The following ANGPT1 variants were observed in gnomAD, a reference collection of about 807,000 sequenced individuals.
ANGPT1 encodes the protein angiopoietin-1.
In ANGPT1, 17 loss-of-function variants were observed where a neutral mutation model predicts 62.2. The ratio of observed to expected loss-of-function variants is 0.27; its 90% CI spans 0.19 to 0.41. The LOEUF is 0.41. ANGPT1 is among the 10% of genes least tolerant of loss of function. ANGPT1 has a pLI of 1.00. For missense variants in ANGPT1, 478 were observed against 594.9 expected (o/e 0.80, Z 2.04); for synonymous variants, 199 against 198.9 (o/e 1.00, Z 0.00).
rs144478184 is a variant in ANGPT1, at chr8:107,251,643, G to A, written c.*212C>T. On this transcript the variant is annotated 3_prime_UTR_variant, in exon 9 of 9. Coordinates refer to ENST00000517746, the MANE Select transcript of ANGPT1 (RefSeq NM_001146.5). ...AGTCAGTGGAGTTTTCTATAGTCGA[G>A]CCACGTGAGCACTGTCACCCCAAGT... 0.015 allele frequency: 8,120 copies of A among 536,266 alleles called. 84 individuals are homozygous for A. The highest frequency in any genetic ancestry group is 0.025 in the African/African-American group (1,325 of 52,898). The allele number at this position is 536,266 out of a possible 1,614,324, so 33.2% of individuals were successfully genotyped here. A position where few individuals can be genotyped will look rare whatever the true frequency, so the allele number is the denominator to read the frequency against.
intron 3 of ANGPT1, among the ~76,000 whole-genome samples, chr8:107,332,892 G>A (rs979191568): frequency 6.6e-6 from 1 of 152,196 alleles, no homozygotes; most frequent in Non-Finnish European, 1.5e-5. Flanking sequence ...ATAGCTTCTT[G>A]TTGCATTTGG....
chr8:107,494,795 GA>G (rs533200479), intron 1 of ANGPT1: 1 of 152,154 alleles, frequency 6.6e-6, no homozygotes, highest in Non-Finnish European at 1.5e-5. Context: ...GCTTCATTTA[GA>G]GTTGATAACA....
rs1457737605 is a variant in ANGPT1, at chr8:107,324,744, C to G, written c.576-2616G>C. Among the ~76,000 whole-genome samples the G allele has an allele frequency of 2.0e-5, 3 of 152,178 alleles. No homozygotes were observed. The East Asian group carries it at 5.8e-4, about 29-fold the overall frequency. ...AATACCTGAGGCTGCTAAGACTCTA[C>G]TAATTTATAATACCTTTAGTAGTGT... On this transcript the variant is annotated intron_variant, in intron 3 of 8. Transcript: ENST00000517746.
intron 1 of ANGPT1, among the ~76,000 whole-genome samples, chr8:107,431,088 G>T (rs1811173454): frequency 6.6e-6 from 1 of 152,144 alleles, no homozygotes; most frequent in African/African-American, 2.4e-5. Flanking sequence ...TGGTAAAATG[G>T]AGATAACAAT....
intron 1 of ANGPT1, among the ~76,000 whole-genome samples, chr8:107,453,595 C>T (rs1375318294): frequency 6.6e-6 from 1 of 152,022 alleles, no homozygotes; most frequent in Non-Finnish European, 1.5e-5. Flanking sequence ...GGATCCCTCC[C>T]ACAACACATG....
At chr8:107,252,511 A>G (rs992514217) in intron 8 of ANGPT1, among the ~76,000 whole-genome samples, 3 of 152,198 alleles carry the variant, frequency 2.0e-5, no homozygotes, top group African/African-American at 7.2e-5. Flanking sequence ...ATGTTTGTCA[A>G]TAATTGGCCC....
chr8:107,321,234 G>T (rs115051600), intron 4 of ANGPT1, among the ~76,000 whole-genome samples: 1 of 152,042 alleles, frequency 6.6e-6, no homozygotes, highest in African/African-American at 2.4e-5. Context: ...ATTCCCAAAG[G>T]TTCAATGACT....
chr8:107,451,776 C>T (rs1811784055), intron 1 of ANGPT1, among the ~76,000 whole-genome samples: 1 of 151,898 alleles, frequency 6.6e-6, no homozygotes, highest in African/African-American at 2.4e-5. Context: ...AGATGTTTCA[C>T]TGACCTGAGT....
In ANGPT1 at chr8:107,255,921, A is replaced by G. The variant is rs966035245; in HGVS notation, c.1337-3906T>C. On this transcript the variant is annotated intron_variant, in intron 8 of 8. Transcript: ENST00000517746. Reference sequence around the variant, plus strand: ...TAAAGACAAGGTCATCAGTGCCAACATATTTTCTTATTTGCTTAGTGGGGT... The same window carrying G: ...TAAAGACAAGGTCATCAGTGCCAACGTATTTTCTTATTTGCTTAGTGGGGT... Among the ~76,000 whole-genome samples, 11 of 152,226 alleles carry G rather than the reference A, an allele frequency of 7.2e-5. No homozygotes were observed. In the East Asian group the frequency reaches 7.7e-4, roughly 11 times the overall value.
At chr8:107,380,117 G>A (rs1816606037) in intron 1 of ANGPT1, among the ~76,000 whole-genome samples, 1 of 121,438 alleles carries the variant, frequency 8.2e-6, no homozygotes, top group African/African-American at 2.9e-5. Flanking sequence ...GTTTAAGGAA[G>A]AATAAAAATA....
chr8:107,319,186 A>C (rs937754640), intron 4 of ANGPT1, among the ~76,000 whole-genome samples: 6 of 152,158 alleles, frequency 3.9e-5, no homozygotes, highest in Non-Finnish European at 8.8e-5. Flanking sequence ...TTCTTTCCCT[A>C]TTGTGGTGAA....
At chr8:107,391,385 G>A (rs1184669477) in intron 1 of ANGPT1, among the ~76,000 whole-genome samples, 2 of 152,034 alleles carry the variant, frequency 1.3e-5, no homozygotes, top group African/African-American at 4.8e-5. Flanking sequence ...TCATGTGTTG[G>A]GCCAGGAGCA....
At chr8:107,270,268 G>GT (rs1813707517) in intron 7 of ANGPT1, among the ~76,000 whole-genome samples, 3 of 151,986 alleles carry the variant, frequency 2.0e-5, no homozygotes, top group African/African-American at 7.3e-5. Context: ...ATGACAAATT[G>GT]AAGTTTGGCC....
intron 6 of ANGPT1, among the ~76,000 whole-genome samples, chr8:107,286,282 AAG>A (rs1483935801): frequency 6.6e-6 from 1 of 152,214 alleles, no homozygotes; most frequent in African/African-American, 2.4e-5. Context: ...TTAGTGGGAA[AAG>A]AGAGTTTTAA....
intron 1 of ANGPT1, among the ~76,000 whole-genome samples, chr8:107,428,615 C>T (rs1811096646): frequency 6.6e-6 from 1 of 150,512 alleles, no homozygotes; most frequent in East Asian, 2.0e-4. Context: ...TGTAGTAGTG[C>T]TGGTAGTTTT....
At chr8:107,312,330 T>C (rs1181886037) in intron 4 of ANGPT1, among the ~76,000 whole-genome samples, 1 of 152,178 alleles carries the variant, frequency 6.6e-6, no homozygotes, top group East Asian at 1.9e-4. Context: ...CTAAAATATA[T>C]TGGTTTTGTA....
intron 7 of ANGPT1, among the ~76,000 whole-genome samples, chr8:107,280,265 A>G (rs1471195319): frequency 6.6e-6 from 1 of 151,850 alleles, no homozygotes; most frequent in African/African-American, 2.4e-5. Flanking sequence ...TAATGGCGCA[A>G]TCTCGGCTCA....
At chr8:107,335,891 A>C (rs546182903) in intron 3 of ANGPT1, among the ~76,000 whole-genome samples, 1 of 151,760 alleles carries the variant, frequency 6.6e-6, no homozygotes, top group African/African-American at 2.4e-5. Context: ...GTGAGATTTG[A>C]ACTACTACCA....
At chr8:107,291,858 A>G (rs1814284301) in intron 6 of ANGPT1, among the ~76,000 whole-genome samples, 1 of 139,742 alleles carries the variant, frequency 7.2e-6, no homozygotes, top group African/African-American at 2.6e-5. Context: ...CAATCCCAAA[A>G]GATAATGATA....
Sources: gnomAD v4.1 joint callset for allele counts (sites outside exome capture counted in the v4.1 genomes callset) on GRCh38, gnomAD v4.1.1 for gene constraint, MANE v1.5 for transcripts, NCBI Gene and HGNC (gene_info 2026-07-23, HGNC 2026-07-21) for gene names.